TRERF1: variants seen among roughly 807,000 people sequenced by gnomAD.
TRERF1 encodes the protein transcriptional-regulating factor 1.
Under a neutral mutation model 122.9 loss-of-function variants are expected in TRERF1, and 27 were observed. That is an observed-to-expected ratio of 0.22 (90% CI 0.16 to 0.30). TRERF1 has a LOEUF of 0.30. TRERF1 is among the 10% of genes least tolerant of loss of function. TRERF1 has a pLI of 1.00. For missense variants in TRERF1, 1,248 were observed against 1,560.3 expected (o/e 0.80, Z 3.37); for synonymous variants, 636 against 641.7 (o/e 0.99, Z 0.13).
chr6:42,425,056 C>T (rs563042390), intron 2 of TRERF1, among the ~76,000 whole-genome samples: 1 of 152,234 alleles, frequency 6.6e-6, no homozygotes, highest in South Asian at 2.1e-4. Flanking sequence ...CAGGGTCTGA[C>T]CTCCTCAGCT....
chr6:42,288,450 C>T (rs71560762), intron 4 of TRERF1, among the ~76,000 whole-genome samples: 1 of 151,874 alleles, frequency 6.6e-6, no homozygotes, highest in Non-Finnish European at 1.5e-5. Flanking sequence ...TGCCTGTAAT[C>T]TCAGCTACTC....
chr6:42,297,580 G>A (rs1453830173), intron 4 of TRERF1, among the ~76,000 whole-genome samples: 1 of 152,162 alleles, frequency 6.6e-6, no homozygotes, highest in Non-Finnish European at 1.5e-5. Context: ...ACCTTGCAAG[G>A]GCTGAGCAGA....
At chr6:42,420,768 G>A (rs1291864899) in intron 2 of TRERF1, among the ~76,000 whole-genome samples, 1 of 152,184 alleles carries the variant, frequency 6.6e-6, no homozygotes, top group Non-Finnish European at 1.5e-5. Context: ...TAGAGTGATG[G>A]TACAGGATGA....
chr6:42,250,726 A>C (rs2149675741), intron 13 of TRERF1, among the ~76,000 whole-genome samples: 1 of 152,266 alleles, frequency 6.6e-6, no homozygotes, highest in African/African-American at 2.4e-5. Context: ...AGGGGCCCCT[A>C]ACAAGATGAT....
At chr6:42,374,653 G>A (rs768290551) in intron 2 of TRERF1, among the ~76,000 whole-genome samples, 7 of 152,098 alleles carry the variant, frequency 4.6e-5, no homozygotes, top group African/African-American at 1.4e-4. Context: ...AGGACAGCCC[G>A]GTCCTACCCT....
chr6:42,351,999 G>A (rs75189136), intron 3 of TRERF1, among the ~76,000 whole-genome samples: 4 of 152,024 alleles, frequency 2.6e-5, no homozygotes, highest in Non-Finnish European at 5.9e-5. Flanking sequence ...TTTGGTGCGG[G>A]TGTTGTTGTT....
At chr6:42,374,938 G>C (rs989790031) in intron 2 of TRERF1, among the ~76,000 whole-genome samples, 1 of 150,220 alleles carries the variant, frequency 6.7e-6, no homozygotes, top group Non-Finnish European at 1.5e-5. Flanking sequence ...TTGAACCTGG[G>C]AGATGGAGGT....
At chr6:42,414,471 C>T (rs1781555093) in intron 2 of TRERF1, among the ~76,000 whole-genome samples, 1 of 152,200 alleles carries the variant, frequency 6.6e-6, no homozygotes, top group Non-Finnish European at 1.5e-5. Flanking sequence ...AAAATAGTGT[C>T]ACCCTGTACT....
intron 2 of TRERF1, among the ~76,000 whole-genome samples, chr6:42,420,956 T>C (rs1466758139): frequency 6.6e-6 from 1 of 152,230 alleles, no homozygotes; most frequent in Non-Finnish European, 1.5e-5. Flanking sequence ...CCAGGCCATT[T>C]TGGAGGACAG....
rs558919415 is a variant in TRERF1 at position 42,449,217 on chromosome 6, A to T, written c.-454+1960T>A. 7.6e-4 allele frequency among the ~76,000 whole-genome samples: 116 copies of T among 152,374 alleles called. 1 individual carries two copies. Among genetic ancestry groups the T allele is most frequent in the African/African-American group, 2.7e-3 (113 of 41,590 alleles). On this transcript the variant is annotated intron_variant, in intron 2 of 17. Transcript: ENST00000372922. ...TGAAAAGACCCATGTTTACTATGGAACCTGCAAAATTAATCTTCTCATACA... is the reference window on the plus strand; with the variant it reads ...TGAAAAGACCCATGTTTACTATGGATCCTGCAAAATTAATCTTCTCATACA...
intron 2 of TRERF1, among the ~76,000 whole-genome samples, chr6:42,395,691 C>T (rs1471840245): frequency 6.6e-6 from 1 of 151,986 alleles, no homozygotes; most frequent in Non-Finnish European, 1.5e-5. Flanking sequence ...TTTCTTCCAA[C>T]AACCTAGTCC....
At chr6:42,243,300 C>T (rs777625510) in exon 15 of TRERF1, 5 of 1,614,164 alleles carry the variant, frequency 3.1e-6, no homozygotes, top group African/African-American at 1.3e-5. Context: ...CCGCCCCAGC[C>T]GCATGATCTT....
intron 2 of TRERF1, among the ~76,000 whole-genome samples, chr6:42,398,114 A>T (rs923781535): frequency 2.0e-5 from 3 of 152,222 alleles, no homozygotes; most frequent in Non-Finnish European, 4.4e-5. Flanking sequence ...CCCTGAAGTC[A>T]GAGTCCTGAG....
intron 13 of TRERF1, among the ~76,000 whole-genome samples, chr6:42,252,639 C>T (rs1048530501): frequency 3.3e-5 from 5 of 152,188 alleles, no homozygotes; most frequent in Admixed American, 3.3e-4. Context: ...AGATGGGATT[C>T]ACTGACACCT....
intron 3 of TRERF1, among the ~76,000 whole-genome samples, chr6:42,334,662 T>A (rs377438911): frequency 2.0e-5 from 3 of 152,196 alleles, no homozygotes; most frequent in East Asian, 3.8e-4. Flanking sequence ...ATGGCATGGC[T>A]CTGCTTATGG....
chr6:42,402,685 C>T (rs1010358770), intron 2 of TRERF1, among the ~76,000 whole-genome samples: 1 of 152,158 alleles, frequency 6.6e-6, no homozygotes, highest in Admixed American at 6.5e-5. Flanking sequence ...CCCATGTGGT[C>T]ACTTATTCAA....
chr6:42,298,445 T>C (rs1785477439), intron 4 of TRERF1, among the ~76,000 whole-genome samples: 1 of 151,544 alleles, frequency 6.6e-6, no homozygotes, highest in South Asian at 2.1e-4. Flanking sequence ...TATGAGCTAT[T>C]CCCCCGGCCA....
At chr6:42,403,106 G>A (rs768043979) in intron 2 of TRERF1, among the ~76,000 whole-genome samples, 75 of 152,060 alleles carry the variant, frequency 4.9e-4, no homozygotes, top group Non-Finnish European at 7.8e-4. Flanking sequence ...GAGAGGGAGC[G>A]GCTCACGAGA....
intron 2 of TRERF1, among the ~76,000 whole-genome samples, chr6:42,398,261 C>G (rs907279960): frequency 3.8e-4 from 58 of 152,276 alleles, no homozygotes; most frequent in Admixed American, 3.5e-3. Context: ...AACCCTACCC[C>G]CAAAGTGAAG....
Sources: allele counts gnomAD v4.1 joint callset (sites outside exome capture counted in the v4.1 genomes callset), GRCh38; gene constraint gnomAD v4.1.1; transcripts MANE v1.5; gene names NCBI Gene and HGNC (gene_info 2026-07-23, HGNC 2026-07-21).